DACH2: variants seen among roughly 807,000 people sequenced by gnomAD.
DACH2 encodes dachshund homolog 2.
Under a neutral mutation model 35.8 loss-of-function variants are expected in DACH2, and 17 were observed. That is an observed-to-expected ratio of 0.48 (90% CI 0.33 to 0.71). DACH2 has a LOEUF of 0.71. Among genes scored for constraint, DACH2 ranks in the 30% least tolerant of loss-of-function variants. The pLI is 0.02. For synonymous variants in DACH2, 195 were observed against 177.3 expected (o/e 1.10, Z -0.79); for missense variants, 469 against 472.7 (o/e 0.99, Z 0.07).
At chrX:86,516,338 A>T (rs1196592762) in intron 3 of DACH2, among the ~76,000 whole-genome samples, 3 of 111,607 alleles carry the variant, frequency 2.7e-5, no homozygotes, top group Non-Finnish European at 3.8e-5. Context: ...GAAAGAAGAA[A>T]AGAATTTTAA....
At chrX:86,360,953 AATTG>A (rs2035730286) in intron 1 of DACH2, among the ~76,000 whole-genome samples, 1 of 111,020 alleles carries the variant, frequency 9.0e-6, no homozygotes, top group South Asian at 3.7e-4. Context: ...TATATGCTTT[AATTG>A]TTATTCTGAA....
intron 2 of DACH2, among the ~76,000 whole-genome samples, chrX:86,389,042 C>T (rs926154075): frequency 9.0e-6 from 1 of 111,372 alleles, no homozygotes; most frequent in Non-Finnish European, 1.9e-5. Flanking sequence ...GACTTTACTG[C>T]CTTATGGATT....
intron 1 of DACH2, among the ~76,000 whole-genome samples, chrX:86,180,102 T>C (rs1227922330): frequency 1.0e-5 from 1 of 99,854 alleles, no homozygotes; most frequent in Non-Finnish European, 2.0e-5. Context: ...TTATCCAACA[T>C]AATTATTATA....
At chrX:86,788,129 A>G (rs898046607) in intron 7 of DACH2, among the ~76,000 whole-genome samples, 11 of 111,147 alleles carry the variant, frequency 9.9e-5, no homozygotes, top group Admixed American at 4.8e-4. Flanking sequence ...AGTTGTCAGC[A>G]TGCTTACTTG....
intron 2 of DACH2, among the ~76,000 whole-genome samples, chrX:86,439,618 A>C (rs2037126898): frequency 9.0e-6 from 1 of 111,163 alleles, no homozygotes; most frequent in Non-Finnish European, 1.9e-5. Context: ...CTGCATATAG[A>C]TATCCAATAT....
At position 86,698,519 on chromosome X, in the gene DACH2, G is replaced by GTTTTTTTTTTTTTTTTTTTTTTTT. The variant is rs1378300889; in HGVS notation, c.931+3341_931+3342insTTTTTTTTTTTTTTTTTTTTTTTT. 7.5e-4 allele frequency among the ~76,000 whole-genome samples: 24 copies of GTTTTTTTTTTTTTTTTTTTTTTTT among 32,081 alleles called. 2 individuals carry two copies. Among genetic ancestry groups the GTTTTTTTTTTTTTTTTTTTTTTTT allele is most frequent in the Admixed American group, 1.6e-3 (4 of 2,468 alleles). 27.9% of individuals were successfully genotyped at this position (32,081 alleles called of 115,157 possible). A position where few individuals can be genotyped will look rare whatever the true frequency, so the allele number is the denominator to read the frequency against. On this transcript the variant is annotated intron_variant, in intron 5 of 11. Transcript: ENST00000373125. ...TTCTTCTTTTTGTTTTGTTAGTTTT[G>GTTTTTTTTTTTTTTTTTTTTTTTT]TGTTTTTTTTTTTTTTTTTTTTTTT...
intron 7 of DACH2, among the ~76,000 whole-genome samples, chrX:86,759,732 A>G (rs930590410): frequency 9.0e-6 from 1 of 111,182 alleles, no homozygotes; most frequent in African/African-American, 3.3e-5. Context: ...TCTTACAGAT[A>G]TCATTGTGAT....
intron 1 of DACH2, among the ~76,000 whole-genome samples, chrX:86,310,109 T>A (rs1217731043): frequency 8.9e-6 from 1 of 112,165 alleles, no homozygotes; most frequent in Non-Finnish European, 1.9e-5. Flanking sequence ...AAGAGACAGC[T>A]CTTGACCTGT....
At chrX:86,457,538 C>T (rs2037497059) in intron 2 of DACH2, among the ~76,000 whole-genome samples, 1 of 112,119 alleles carries the variant, frequency 8.9e-6, no homozygotes, top group African/African-American at 3.2e-5. Context: ...TGCTAATTCA[C>T]AAAATATTTA....
chrX:86,504,115 A>G (rs1371027805), intron 2 of DACH2, among the ~76,000 whole-genome samples: 1 of 110,459 alleles, frequency 9.1e-6, no homozygotes, highest in Non-Finnish European at 1.9e-5. Context: ...TTTGTACATT[A>G]TTACATTATG....
At chrX:86,330,034 G>A (rs942193692) in intron 1 of DACH2, among the ~76,000 whole-genome samples, 5 of 111,705 alleles carry the variant, frequency 4.5e-5, no homozygotes, top group Non-Finnish European at 5.7e-5. Flanking sequence ...ACGCCAATAA[G>A]AGCAACAAAA....
In DACH2 at chrX:86,798,948, G is replaced by A. The variant is rs764106538; in HGVS notation, c.1241-13908G>A. 2.1e-5 allele frequency: 4 copies of A among 189,677 alleles called. No homozygotes were observed. In the South Asian group the frequency reaches 2.3e-4, roughly 11 times the overall value. 15.6% of individuals were successfully genotyped at this position (189,677 alleles called of 1,213,427 possible). A position where few individuals can be genotyped will look rare whatever the true frequency, so the allele number is the denominator to read the frequency against. On this transcript the variant is annotated intron_variant, in intron 7 of 11. Transcript: ENST00000373125. ...ACATCTTAGGCTACTGGTAAGCACG[G>A]AGGGTTGTATACATCCCAAAGAAAT... is the stretch of plus-strand genomic sequence containing the variant.
chrX:86,822,722 T>C (rs890524533), intron 11 of DACH2, among the ~76,000 whole-genome samples: 2 of 111,444 alleles, frequency 1.8e-5, no homozygotes, highest in African/African-American at 3.3e-5. Flanking sequence ...TTAAACGAAA[T>C]AGTCTAAAAC....
At chrX:86,470,112 G>T (rs915479026) in intron 2 of DACH2, among the ~76,000 whole-genome samples, 1 of 100,170 alleles carries the variant, frequency 1.0e-5, no homozygotes, top group East Asian at 2.8e-4. Context: ...AAATTGATGG[G>T]TGCTTATCAG....
At position 86,529,512 on chromosome X, in the gene DACH2, G is replaced by A. The variant is rs766464905; in HGVS notation, c.640+15121G>A. Among the ~76,000 whole-genome samples the A allele has an allele frequency of 1.8e-4, 18 of 101,939 alleles. No homozygotes were observed. In the South Asian group the frequency reaches 5.2e-3, roughly 29 times the overall value. 88.5% of individuals were successfully genotyped at this position (101,939 alleles called of 115,157 possible). ...TTTTTGAGATGGAGTCTCGCTCGTC[G>A]CCCAGGCTGGAGTGCAGTGGCACAA... On this transcript the variant is annotated intron_variant, in intron 3 of 11. Transcript: ENST00000373125.
intron 3 of DACH2, among the ~76,000 whole-genome samples, chrX:86,638,311 C>T (rs765593905): frequency 3.6e-5 from 4 of 111,485 alleles, no homozygotes; most frequent in Non-Finnish European, 5.7e-5. Context: ...TAAAAATATC[C>T]GAAGAAAACC....
intron 3 of DACH2, among the ~76,000 whole-genome samples, chrX:86,598,556 G>A (rs1453223030): frequency 4.5e-5 from 5 of 110,993 alleles, no homozygotes; most frequent in African/African-American, 1.3e-4. Flanking sequence ...TAGTCTTTGC[G>A]GTTTTTTTCT....
At chrX:86,696,905 G>C (rs763409429) in intron 5 of DACH2, among the ~76,000 whole-genome samples, 2 of 111,660 alleles carry the variant, frequency 1.8e-5, no homozygotes, top group Non-Finnish European at 3.8e-5. Flanking sequence ...CATGCTCATA[G>C]TGCTCTGTTC....
In DACH2 at chrX:86,301,932, T is replaced by A. The variant is rs181629923; in HGVS notation, c.489-74892T>A. Among the ~76,000 whole-genome samples, 340 of 111,407 alleles carry A rather than the reference T, an allele frequency of 3.1e-3. 2 individuals carry two copies. Among genetic ancestry groups the A allele is most frequent in the African/African-American group, 0.011 (327 of 30,723 alleles). On this transcript the variant is annotated intron_variant, in intron 1 of 11. Transcript: ENST00000373125. The stretch of plus-strand genomic sequence containing the variant: ...TTCTTCCCACCTCTTTCTCTTCTGC[T>A]GTTTTACAAAGCCTTAAAATAAATA...
Sources: allele counts gnomAD v4.1 joint callset (sites outside exome capture counted in the v4.1 genomes callset), GRCh38; gene constraint gnomAD v4.1.1; transcripts MANE v1.5; gene names NCBI Gene and HGNC (gene_info 2026-07-23, HGNC 2026-07-21).